STK4: variants seen among roughly 807,000 people sequenced by gnomAD.
STK4 encodes the protein serine/threonine kinase 4.
STK4 carries 30 observed loss-of-function variants against 64.9 expected under a neutral mutation model. The observed-to-expected ratio is 0.46, with a 90% CI of 0.35 to 0.63. STK4 has a LOEUF of 0.63. Ranked by LOEUF, STK4 falls within the 20% of genes least tolerant of loss-of-function variation. The pLI is 0.01. For synonymous variants in STK4, 177 were observed against 199.0 expected (o/e 0.89, Z 0.93); for missense variants, 466 against 598.5 (o/e 0.78, Z 2.31).
At chr20:44,970,400 T>C (rs1245461142) in intron 1 of STK4, 1 of 152,294 alleles carries the variant, frequency 6.6e-6, no homozygotes, top group African/African-American at 2.4e-5. Flanking sequence ...CAAAGAAACA[T>C]ACTTGATCTT....
intron 9 of STK4, among the ~76,000 whole-genome samples, chr20:45,014,729 C>T (rs548962064): frequency 2.0e-5 from 3 of 152,214 alleles, no homozygotes; most frequent in African/African-American, 4.8e-5. Context: ...GGTTCTTCCT[C>T]TCAGGATTCA....
chr20:45,062,989 CTTTTTTTTTTTTTTTTTT>C lies in STK4; in HGVS notation c.1306-12016_1306-11999del, dbSNP rs71197599. On this transcript the variant is annotated intron_variant, in intron 10 of 10. Transcript: ENST00000372806. ...ACAGGTGTGAGCCACCGCACCCGGC[CTTTTTTTTTTTTTTTTTT>C]TTTTTTTTTTTTGGACACAGGGTCT... Among the ~76,000 whole-genome samples, 9 of 31,500 alleles carry C rather than the reference CTTTTTTTTTTTTTTTTTT, an allele frequency of 2.9e-4. 1 individual carries two copies. Among genetic ancestry groups the C allele is most frequent in the Admixed American group, 1.2e-3 (3 of 2,502 alleles). The allele number at this position is 31,500 out of a possible 152,430, so 20.7% of individuals were successfully genotyped here.
At chr20:44,995,629 A>AAAAT (rs1555809972) in intron 6 of STK4, among the ~76,000 whole-genome samples, 1 of 150,994 alleles carries the variant, frequency 6.6e-6, no homozygotes, top group African/African-American at 2.4e-5. Context: ...AAAAAAAAAA[A>AAAAT]GTTCAATGGC....
chr20:44,972,002 TA>T (rs1237975413), intron 1 of STK4, 75 bp from the exon 2 acceptor site: 71 of 1,409,444 alleles, frequency 5.0e-5, no homozygotes, highest in Non-Finnish European at 5.8e-5. Flanking sequence ...ATGCTAATTA[TA>T]AAAAAAAGAT....
chr20:45,020,041 G>C (rs1168558532), intron 9 of STK4, among the ~76,000 whole-genome samples: 1 of 152,164 alleles, frequency 6.6e-6, no homozygotes, highest in Non-Finnish European at 1.5e-5. Flanking sequence ...TTTGATTTTA[G>C]AGACTGTACA....
intron 10 of STK4, among the ~76,000 whole-genome samples, chr20:45,062,120 T>G (rs989226005): frequency 1.3e-5 from 2 of 152,172 alleles, no homozygotes; most frequent in African/African-American, 4.8e-5. Flanking sequence ...CCTCAAATGA[T>G]CCTCCCACCT....
At chr20:45,025,370 T>C (rs1335701708) in intron 10 of STK4, among the ~76,000 whole-genome samples, 1 of 152,222 alleles carries the variant, frequency 6.6e-6, no homozygotes, top group Non-Finnish European at 1.5e-5. Context: ...AGTTAGAAAT[T>C]GTTCATGGTG....
chr20:44,989,690 T>C (rs1349049111), intron 5 of STK4, among the ~76,000 whole-genome samples: 1 of 152,202 alleles, frequency 6.6e-6, no homozygotes, highest in Non-Finnish European at 1.5e-5. Context: ...TTTACTCCTA[T>C]GATTTCTTTG....
intron 9 of STK4, among the ~76,000 whole-genome samples, chr20:45,012,781 C>G (rs1257181948): frequency 1.4e-5 from 2 of 138,834 alleles, no homozygotes; most frequent in Admixed American, 1.5e-4. Flanking sequence ...TATATATAAT[C>G]TTCTTCTTCT....
At position 45,027,124 on chromosome 20, in the gene STK4, A is replaced by G. The variant is rs184806728; in HGVS notation, c.1305+1994A>G. On this transcript the variant is annotated intron_variant, in intron 10 of 10. Transcript: ENST00000372806. ...CTAAGCTTAGTTTCCTTGTTTTTAA[A>G]TGTTTTAGAAGTTAGCGATTTTGGC... 1.3e-3 allele frequency among the ~76,000 whole-genome samples: 198 copies of G among 152,222 alleles called. 1 individual carries two copies. Among genetic ancestry groups the G allele is most frequent in the African/African-American group, 4.2e-3 (176 of 41,552 alleles).
chr20:44,996,924 CTTGA>C (rs11468560), intron 6 of STK4, among the ~76,000 whole-genome samples: 25,874 of 151,684 alleles, frequency 0.17, 2,322 homozygotes, highest in East Asian at 0.22. Flanking sequence ...AATAAAAAAG[CTTGA>C]TTGATGTTGT....
intron 9 of STK4, among the ~76,000 whole-genome samples, chr20:45,024,555 T>C (rs1318887354): frequency 2.6e-5 from 4 of 152,196 alleles, no homozygotes; most frequent in Admixed American, 2.6e-4. Flanking sequence ...CATCCCCTCT[T>C]CCTACTTAAA....
At chr20:44,978,633 A>C (rs774847517) in intron 3 of STK4, 62 bp downstream of exon 3, 45 of 1,557,336 alleles carry the variant, frequency 2.9e-5, no homozygotes, top group Non-Finnish European at 3.8e-5. Flanking sequence ...GATTGTGTAG[A>C]GTTTGATACC....
chr20:45,070,743 C>T (rs917445485), intron 10 of STK4, among the ~76,000 whole-genome samples: 2 of 151,962 alleles, frequency 1.3e-5, no homozygotes, highest in Non-Finnish European at 2.9e-5. Context: ...AAAATCTAGC[C>T]GAGCGCAGGT....
intron 2 of STK4, among the ~76,000 whole-genome samples, chr20:44,976,742 C>T (rs1477674129): frequency 6.6e-6 from 1 of 152,138 alleles, no homozygotes; most frequent in Non-Finnish European, 1.5e-5. Flanking sequence ...CCAATAAAGA[C>T]ATTAAGAACT....
rs71197589 is a variant in STK4, at chr20:44,988,533, GTATATATATATATATATATATA to G, written c.525+1251_525+1272del. On this transcript the variant is annotated intron_variant, in intron 5 of 10. Transcript: ENST00000372806. ...TGTGTGTGTATATATATGTGTGTGT[GTATATATATATATATATATATA>G]TATATATATATATGTATCCATTCCA... Among the ~76,000 whole-genome samples the G allele has an allele frequency of 1.2e-4, 12 of 101,586 alleles. 1 individual carries two copies. The highest frequency in any genetic ancestry group is 5.9e-4 in the Admixed American group (5 of 8,510). The allele number at this position is 101,586 out of a possible 152,430, so 66.6% of individuals were successfully genotyped here. A position where few individuals can be genotyped will look rare whatever the true frequency, so the allele number is the denominator to read the frequency against.
chr20:45,045,598 A>G (rs2068681475), intron 10 of STK4, among the ~76,000 whole-genome samples: 1 of 152,182 alleles, frequency 6.6e-6, no homozygotes, highest in Non-Finnish European at 1.5e-5. Flanking sequence ...TTAGAGGAGT[A>G]TTTATTATTA....
intron 9 of STK4, among the ~76,000 whole-genome samples, chr20:45,023,436 G>C (rs1030939003): frequency 6.6e-6 from 1 of 152,104 alleles, no homozygotes. Context: ...AGAAACACTT[G>C]CTGTTCTTTA....
intron 8 of STK4, 118 bp downstream of exon 8, chr20:45,000,638 CATAACTATG>C: frequency 2.1e-6 from 3 of 1,440,122 alleles, no homozygotes; most frequent in Non-Finnish European, 2.8e-6. Context: ...ATGCTTCCAG[CATAACTATG>C]TCCTAACCTG....
Sources: allele counts gnomAD v4.1 joint callset (sites outside exome capture counted in the v4.1 genomes callset), GRCh38; gene constraint gnomAD v4.1.1; transcripts MANE v1.5; gene names NCBI Gene and HGNC (gene_info 2026-07-23, HGNC 2026-07-21).